CMC1: variants seen among roughly 807,000 people sequenced by gnomAD.
CMC1 encodes C-X9-C motif containing 1.
A neutral mutation model predicts 14.1 loss-of-function variants in CMC1; 14 were observed. The ratio of observed to expected loss-of-function variants is 0.99; its 90% CI spans 0.66 to 1.55. CMC1 has a LOEUF of 1.55. Among genes scored for constraint, CMC1 ranks in the 40% most tolerant of loss-of-function variants. The pLI, the probability that CMC1 is intolerant of heterozygous loss-of-function variation, is 0.00. For missense variants in CMC1, 127 were observed against 123.8 expected, an observed-to-expected ratio of 1.03 and a Z score of -0.12; for synonymous variants, 50 against 38.4, an observed-to-expected ratio of 1.30 and a Z score of -1.12.
At chr3:28,260,489 C>T (rs1170353886) in intron 1 of CMC1, among the ~76,000 whole-genome samples, 2 of 151,238 alleles carry the variant, frequency 1.3e-5, no homozygotes, top group Non-Finnish European at 2.9e-5. Context: ...AATTTGTGAC[C>T]TTAGTCTGGC....
At chr3:28,263,165 T>A in intron 1 of CMC1, 126 bp from the exon 2 acceptor site, 1 of 656,656 alleles carries the variant, frequency 1.5e-6, no homozygotes. Flanking sequence ...AATCACAATT[T>A]CATAAGGTTG....
At chr3:28,273,784 C>T (rs889285035) in intron 2 of CMC1, among the ~76,000 whole-genome samples, 3 of 152,238 alleles carry the variant, frequency 2.0e-5, no homozygotes, top group Admixed American at 6.5e-5. Context: ...CTGGGTCCTC[C>T]TATATTAGGT....
intron 2 of CMC1, among the ~76,000 whole-genome samples, chr3:28,315,378 T>A (rs1702844284): frequency 6.6e-6 from 1 of 152,078 alleles, no homozygotes; most frequent in East Asian, 1.9e-4. Flanking sequence ...GAGTGGAAAT[T>A]TGACAGAAAG....
intron 1 of CMC1, among the ~76,000 whole-genome samples, chr3:28,252,940 A>G (rs1297034502): frequency 6.6e-6 from 1 of 152,202 alleles, no homozygotes. Context: ...TGCGGGGAAG[A>G]AAACATCTCT....
chr3:28,313,306 A>C (rs553290077), intron 2 of CMC1, among the ~76,000 whole-genome samples: 1 of 152,138 alleles, frequency 6.6e-6, no homozygotes, highest in African/African-American at 2.4e-5. Flanking sequence ...CCTTTGAATA[A>C]CTTTTAACAA....
intron 1 of CMC1, among the ~76,000 whole-genome samples, chr3:28,255,905 T>C (rs1049647432): frequency 1.3e-5 from 2 of 152,152 alleles, no homozygotes; most frequent in Non-Finnish European, 2.9e-5. Flanking sequence ...TCATATCATT[T>C]TTTTGTTTGA....
At position 28,323,852 on chromosome 3, in the gene CMC1, G is replaced by GGGT. The variant is rs1170912984; in HGVS notation, c.*4225_*4227dup. 1.9e-6 allele frequency: 1 copy of GGGT among 530,446 alleles called. No homozygotes were observed. The highest frequency in any genetic ancestry group is 1.9e-5 in the African/African-American group (1 of 52,470). The allele number at this position is 530,446 out of a possible 1,614,324, so 32.9% of individuals were successfully genotyped here. A position where few individuals can be genotyped will look rare whatever the true frequency, so the allele number is the denominator to read the frequency against. On this transcript the variant is annotated 3_prime_UTR_variant, in exon 4 of 4. Coordinates refer to ENST00000466830, the MANE Select transcript of CMC1 (RefSeq NM_182523.2). ...CAGATTCTTAGAATATGGAGCTAGA[G>GGGT]GGTGCTCTTTCATACTAGAAAACCA...
At chr3:28,308,106 A>G (rs1335372857) in intron 2 of CMC1, among the ~76,000 whole-genome samples, 1 of 152,196 alleles carries the variant, frequency 6.6e-6, no homozygotes, top group East Asian at 1.9e-4. Context: ...ACTGATTAGC[A>G]AAGTTAATTC....
At chr3:28,253,705 A>G in intron 1 of CMC1, 1 of 1,254,880 alleles carries the variant, frequency 8.0e-7, no homozygotes. Flanking sequence ...AGTTTATTAC[A>G]AGCATTTTTC....
chr3:28,289,108 GT>G (rs879794518), intron 2 of CMC1, among the ~76,000 whole-genome samples: 3 of 150,346 alleles, frequency 2.0e-5, no homozygotes, highest in South Asian at 2.1e-4. Flanking sequence ...GTTCTTTGAG[GT>G]TTTTTTTAAG....
chr3:28,251,700 T>C (rs536508363), intron 1 of CMC1, among the ~76,000 whole-genome samples: 2 of 152,318 alleles, frequency 1.3e-5, no homozygotes, highest in South Asian at 2.1e-4. Flanking sequence ...AAGTATTATA[T>C]TTTCTTTATA....
chr3:28,290,824 TA>T (rs1701433775), intron 2 of CMC1, among the ~76,000 whole-genome samples: 1 of 152,090 alleles, frequency 6.6e-6, no homozygotes, highest in Non-Finnish European at 1.5e-5. Context: ...TGTAGTGGCT[TA>T]AAAGAGCACA....
intron 2 of CMC1, among the ~76,000 whole-genome samples, chr3:28,265,492 A>G (rs572764796): frequency 6.6e-6 from 1 of 152,300 alleles, no homozygotes; most frequent in African/African-American, 2.4e-5. Context: ...ATAGGATTTT[A>G]TATAAAAGCA....
At chr3:28,312,023 G>A (rs1490904274) in intron 2 of CMC1, among the ~76,000 whole-genome samples, 1 of 152,146 alleles carries the variant, frequency 6.6e-6, no homozygotes, top group Non-Finnish European at 1.5e-5. Flanking sequence ...GATGTATTAT[G>A]AATTTAGGGT....
intron 2 of CMC1, among the ~76,000 whole-genome samples, chr3:28,306,962 A>T (rs542582642): frequency 2.0e-5 from 3 of 152,336 alleles, no homozygotes; most frequent in Non-Finnish European, 2.9e-5. Flanking sequence ...AAATATTTTT[A>T]AAAACACCAA....
intron 1 of CMC1, among the ~76,000 whole-genome samples, chr3:28,247,152 C>G (rs1171751633): frequency 2.0e-5 from 3 of 152,026 alleles, no homozygotes; most frequent in Admixed American, 2.0e-4. Context: ...TTCCCTCACA[C>G]AAGGTATCAC....
chr3:28,287,126 A>G (rs113064730), intron 2 of CMC1, among the ~76,000 whole-genome samples: 17 of 152,242 alleles, frequency 1.1e-4, no homozygotes, highest in African/African-American at 3.9e-4. Context: ...TGTCACCTCT[A>G]TAGCACTTTT....
rs75035657 is a variant in CMC1 at position 28,324,619 on chromosome 3, T to G, written c.*4990T>G. On this transcript the variant is annotated 3_prime_UTR_variant, in exon 4 of 4. Coordinates refer to ENST00000466830, the MANE Select transcript of CMC1 (RefSeq NM_182523.2). ...ACTAGGAGATAAATGACAGATGATC[T>G]GAGTTTTAATCCTGGATCAGCAATT... 2.7e-3 allele frequency: 1,451 copies of G among 536,656 alleles called. 14 individuals carry two copies. In the East Asian group the frequency reaches 0.027, roughly 10 times the overall value. The allele number at this position is 536,656 out of a possible 1,614,324, so 33.2% of individuals were successfully genotyped here.
chr3:28,263,217 A>G, intron 1 of CMC1, 74 bp from the exon 2 acceptor site: 1 of 1,030,210 alleles, frequency 9.7e-7, no homozygotes. Context: ...TTTTAAGTAA[A>G]CCAGAGTCTT....
Sources: gnomAD v4.1 joint callset for allele counts (sites outside exome capture counted in the v4.1 genomes callset) on GRCh38, gnomAD v4.1.1 for gene constraint, MANE v1.5 for transcripts, NCBI Gene and HGNC (gene_info 2026-07-23, HGNC 2026-07-21) for gene names.